The following ARID4A variants were observed in gnomAD, a reference collection of about 807,000 sequenced individuals.
ARID4A encodes AT-rich interactive domain-containing protein 4A.
Under a neutral mutation model 148.6 loss-of-function variants are expected in ARID4A, and 39 were observed. That is an observed-to-expected ratio of 0.26 (90% confidence interval 0.20 to 0.34). The LOEUF (loss-of-function observed/expected upper bound fraction) is 0.34. Among genes scored for constraint, ARID4A ranks in the 10% least tolerant of loss-of-function variants. The pLI is 1.00. For synonymous variants in ARID4A, 475 were observed against 481.2 expected (o/e 0.99, Z 0.17); for missense variants, 1,265 against 1,449.1 (o/e 0.87, Z 2.06).
At chr14:58,337,514 G>T (rs1173746390) in intron 11 of ARID4A, among the ~76,000 whole-genome samples, 1 of 151,926 alleles carries the variant, frequency 6.6e-6, no homozygotes, top group Non-Finnish European at 1.5e-5. Flanking sequence ...TTGAAACAAG[G>T]TGGTGGGAGA....
intron 8 of ARID4A, among the ~76,000 whole-genome samples, chr14:58,326,894 A>G (rs1415924997): frequency 2.0e-5 from 3 of 151,912 alleles, no homozygotes; most frequent in Non-Finnish European, 2.9e-5. Context: ...CTTATCCTCC[A>G]TTGTGTTCTT....
intron 1 of ARID4A, among the ~76,000 whole-genome samples, chr14:58,299,030 C>G (rs2030841352): frequency 6.6e-6 from 1 of 152,190 alleles, no homozygotes; most frequent in African/African-American, 2.4e-5. Context: ...CGCGGCGCGT[C>G]CACCTCTGCG....
chr14:58,314,621 G>T (rs1388606240), intron 5 of ARID4A, among the ~76,000 whole-genome samples: 1 of 151,834 alleles, frequency 6.6e-6, no homozygotes, highest in Non-Finnish European at 1.5e-5. Flanking sequence ...TAAAGACGGG[G>T]TCTCGCTGTG....
chr14:58,354,462 T>G (rs548636946), intron 17 of ARID4A, among the ~76,000 whole-genome samples: 1 of 152,164 alleles, frequency 6.6e-6, no homozygotes, highest in South Asian at 2.1e-4. Context: ...GCGGAAGGAC[T>G]GCTTGAGGCC....
At chr14:58,323,706 G>C (rs2033046085) in intron 8 of ARID4A, 89 bp downstream of exon 8, 1 of 1,255,838 alleles carries the variant, frequency 8.0e-7, no homozygotes, top group African/African-American at 1.5e-5. Flanking sequence ...TATTTTGAAA[G>C]TATTAAACAA....
At chr14:58,328,894 G>A (rs2033362645) in intron 9 of ARID4A, among the ~76,000 whole-genome samples, 1 of 151,736 alleles carries the variant, frequency 6.6e-6, no homozygotes, top group Non-Finnish European at 1.5e-5. Flanking sequence ...TCGGGAGGCT[G>A]AGGCAAAGGA....
intron 14 of ARID4A, 39 bp downstream of exon 14, chr14:58,347,156 A>T (rs761115974): frequency 8.9e-7 from 1 of 1,120,548 alleles, no homozygotes; most frequent in Non-Finnish European, 1.3e-6. Flanking sequence ...ATATATATTT[A>T]TAGGAAATAT....
chr14:58,318,005 T>C (rs1374683575), intron 5 of ARID4A, among the ~76,000 whole-genome samples: 1 of 152,124 alleles, frequency 6.6e-6, no homozygotes, highest in Non-Finnish European at 1.5e-5. Context: ...ACAGACTACT[T>C]ACATCCTTTT....
chr14:58,312,834 G>T (rs1027582708), intron 5 of ARID4A, among the ~76,000 whole-genome samples: 5 of 152,294 alleles, frequency 3.3e-5, no homozygotes, highest in African/African-American at 1.2e-4. Flanking sequence ...CTACTTTGTA[G>T]AGGCTGTTGT....
intron 8 of ARID4A, among the ~76,000 whole-genome samples, chr14:58,327,483 T>C (rs2033280099): frequency 6.6e-6 from 1 of 152,066 alleles, no homozygotes. Flanking sequence ...ATTGTACATA[T>C]CTTGGTTAAA....
intron 3 of ARID4A, among the ~76,000 whole-genome samples, chr14:58,303,149 C>T (rs1265202279): frequency 2.6e-5 from 4 of 151,944 alleles, no homozygotes; most frequent in Non-Finnish European, 4.4e-5. Context: ...TGAAGTCCTC[C>T]TTAAAAAATT....
intron 18 of ARID4A, among the ~76,000 whole-genome samples, chr14:58,360,510 G>A (rs2035087736): frequency 6.6e-6 from 1 of 152,144 alleles, no homozygotes; most frequent in African/African-American, 2.4e-5. Context: ...TTTGTCTACT[G>A]GATGATAGAT....
At position 58,347,013 on chromosome 14, in the gene ARID4A, T is replaced by C; in HGVS notation, c.1075-7T>C. ...GCAAATGTTAACATAAAAACTTAAT[T>C]TTCCAGATTGATAGTGGTGCTGTAT... is the stretch of plus-strand genomic sequence containing the variant. On this transcript the variant is annotated splice_region_variant and splice_polypyrimidine_tract_variant and intron_variant, in intron 13 of 23. Coordinates refer to ENST00000355431, the MANE Select transcript of ARID4A (RefSeq NM_002892.4). 1 of 1,342,254 alleles carries C rather than the reference T, an allele frequency of 7.5e-7. No individual in the cohort carries two copies. The highest frequency in any genetic ancestry group is 1.6e-5 in the African/African-American group (1 of 64,198). The allele number at this position is 1,342,254 out of a possible 1,614,324, so 83.1% of individuals were successfully genotyped here.
chr14:58,358,689 GACTTGATAAAATA>G (rs1195412289), intron 17 of ARID4A, among the ~76,000 whole-genome samples: 2 of 152,068 alleles, frequency 1.3e-5, no homozygotes, highest in African/African-American at 2.4e-5. Context: ...AGTTGAAATG[GACTTGATAAAATA>G]ACTTGATAAA....
At position 58,353,649 on chromosome 14, in the gene ARID4A, T is replaced by G; in HGVS notation, c.1656-9T>G. 1 of 1,611,682 alleles carries G rather than the reference T, an allele frequency of 6.2e-7. No individual in the cohort carries two copies. The highest frequency in any genetic ancestry group is 8.5e-7 in the Non-Finnish European group (1 of 1,178,230). ...TTAGTAGCATTATCAGTATTATAAC[T>G]TACTGCAGGGAAGAAACTGAAAGCA... On this transcript the variant is annotated splice_polypyrimidine_tract_variant and intron_variant, in intron 16 of 23. Coordinates refer to ENST00000355431, the MANE Select transcript of ARID4A (RefSeq NM_002892.4).
intron 5 of ARID4A, among the ~76,000 whole-genome samples, chr14:58,315,905 G>C (rs557947878): frequency 6.6e-6 from 1 of 152,164 alleles, no homozygotes; most frequent in Non-Finnish European, 1.5e-5. Flanking sequence ...GGTTCTTTGA[G>C]TATGTGCTTC....
chr14:58,365,660 G>A (rs1211672593), intron 21 of ARID4A, 38 bp downstream of exon 21: 7 of 1,553,666 alleles, frequency 4.5e-6, no homozygotes, highest in Admixed American at 1.8e-5. Context: ...TATAGTGTTA[G>A]TATTTTTAGC....
At chr14:58,347,198 A>T (rs1463488375) in intron 14 of ARID4A, 81 bp downstream of exon 14, 1 of 699,740 alleles carries the variant, frequency 1.4e-6, no homozygotes, top group Admixed American at 3.5e-5. Flanking sequence ...AGAATACATC[A>T]ATCTAGAAAC....
chr14:58,299,778 G>C lies in ARID4A; in HGVS notation c.-57-20G>C. 1 of 1,603,790 alleles carries C rather than the reference G, an allele frequency of 6.2e-7. No individual in the cohort carries two copies. Among genetic ancestry groups the C allele is most frequent in the Non-Finnish European group, 8.5e-7 (1 of 1,170,790 alleles). ...CAGTTGACTGATTATGTCTGTGCCT[G>C]TCTTTCCCCCTCCCCATAGTTCTAG... On this transcript the variant is annotated intron_variant, in intron 1 of 23. Transcript: ENST00000355431.
Sources: allele counts gnomAD v4.1 joint callset (sites outside exome capture counted in the v4.1 genomes callset), GRCh38; gene constraint gnomAD v4.1.1; transcripts MANE v1.5; gene names NCBI Gene and HGNC (gene_info 2026-07-23, HGNC 2026-07-21).